ANKLE2: variants seen among roughly 807,000 people sequenced by gnomAD.
ANKLE2 encodes the protein ankyrin repeat and LEM domain-containing protein 2.
ANKLE2 carries 55 observed loss-of-function variants against 84.2 expected under a neutral mutation model. That is an observed-to-expected ratio of 0.65 (90% CI 0.53 to 0.82). The LOEUF is 0.82. Among genes scored for constraint, ANKLE2 ranks in the 40% least tolerant of loss-of-function variants. The probability of loss-of-function intolerance (pLI) is 0.00; values close to 1 mark genes in which losing one functional copy is unlikely to be tolerated. For synonymous variants in ANKLE2, 551 were observed against 486.1 expected (o/e 1.13, Z -1.76); for missense variants, 1,238 against 1,201.9 (o/e 1.03, Z -0.44).
rs1566010939 is a variant in ANKLE2, at chr12:132,730,150, T to C, written c.2012A>G (p.His671Arg). Reference protein sequence around the residue: ...NSPPTVGAFGHTRCSAFPLEQ... With the variant: ...NSPPTVGAFGRTRCSAFPLEQ... ...CAAGGGGAAGGCGCTGCACCTCGTA[T>C]GTCCAAAAGCACCGACTGTGGGCGG... Residue 671 changes from histidine (H) to arginine (R), a missense_variant, in exon 11 of 13, where the codon CAT becomes CGT. This residue lies in a region of ANKLE2 where 802 missense variants were observed against 774.5 expected (regional missense o/e 1.04). Transcript: ENST00000357997. 4 of 1,612,050 alleles carry C rather than the reference T, an allele frequency of 2.5e-6. No homozygotes were observed. The highest frequency in any genetic ancestry group is 1.7e-5 in the Admixed American group (1 of 59,956).
In ANKLE2 at chr12:132,761,820, C is replaced by A; in HGVS notation, c.-22G>T. Reference sequence around the variant, plus strand: ...GCATCGCCGCCGCCCGGGCCGCAGCCGCCGAGAAGCCCGCGCCCCGCGCCG... The same window carrying A: ...GCATCGCCGCCGCCCGGGCCGCAGCAGCCGAGAAGCCCGCGCCCCGCGCCG... On this transcript the variant is annotated 5_prime_UTR_variant, in exon 1 of 13. Coordinates refer to ENST00000357997, the MANE Select transcript of ANKLE2 (RefSeq NM_015114.3). 9.9e-7 allele frequency: 1 copy of A among 1,011,146 alleles called. No individual in the cohort carries two copies. Among genetic ancestry groups the A allele is most frequent in the Non-Finnish European group, 1.2e-6 (1 of 849,014 alleles). The allele number at this position is 1,011,146 out of a possible 1,614,324, so 62.6% of individuals were successfully genotyped here.
chr12:132,744,969 T>C (rs1398971991), intron 5 of ANKLE2, among the ~76,000 whole-genome samples: 2 of 152,220 alleles, frequency 1.3e-5, no homozygotes, highest in African/African-American at 2.4e-5. Context: ...CGTGAGCCAC[T>C]GCACCCGGCC....
In ANKLE2 at chr12:132,761,701, CG is replaced by C; in HGVS notation, c.97del (p.Arg33GlyfsTer31). The C allele has an allele frequency of 7.4e-7, 1 of 1,349,976 alleles. No individual in the cohort carries two copies. 83.6% of individuals were successfully genotyped at this position (1,349,976 alleles called of 1,614,324 possible). The part of the protein sequence containing the change: ...VLLIAVRWLV[R>X]RLGPRPGGLG... ...ACCTCCCGGCCGCGGGCCCAGCCGC[CG>C]CACCAGCCACCGCACAGCGATCAGC... is the stretch of plus-strand genomic sequence containing the variant. On this transcript the variant is annotated frameshift_variant, in exon 1 of 13. Transcript: ENST00000357997. LOFTEE classifies it high-confidence loss of function.
chr12:132,749,849 A>G (rs1201916261), intron 3 of ANKLE2, among the ~76,000 whole-genome samples: 1 of 152,176 alleles, frequency 6.6e-6, no homozygotes, highest in Non-Finnish European at 1.5e-5. Flanking sequence ...TGAAGTAGGT[A>G]TAGCTTCAGG....
chr12:132,747,020 T>C (rs1398974256), intron 5 of ANKLE2, among the ~76,000 whole-genome samples: 1 of 152,356 alleles, frequency 6.6e-6, no homozygotes, highest in East Asian at 1.9e-4. Context: ...CGCTTCCCAG[T>C]GCTGCCTTGC....
At position 132,726,998 on chromosome 12, in the gene ANKLE2, A is replaced by G. The variant is rs2043712281; in HGVS notation, c.*244T>C. On this transcript the variant is annotated 3_prime_UTR_variant, in exon 13 of 13. Transcript: ENST00000357997. ...GAAATTGCCACCTAAAAAGTCTACC[A>G]TTACCACATGGATATTTTCCAGAAA... The G allele has an allele frequency of 1.3e-5, 7 of 534,014 alleles. No homozygotes were observed. Among genetic ancestry groups the G allele is most frequent in the Admixed American group, 6.8e-5 (2 of 29,426 alleles). The allele number at this position is 534,014 out of a possible 1,614,324, so 33.1% of individuals were successfully genotyped here.
At chr12:132,734,683 C>T (rs977854106) in intron 9 of ANKLE2, 108 bp from the exon 10 acceptor site, 5 of 1,138,842 alleles carry the variant, frequency 4.4e-6, no homozygotes, top group Non-Finnish European at 6.2e-6. Flanking sequence ...TGTCTGCAAT[C>T]ATGGTTATAA....
In ANKLE2 at chr12:132,728,183, A is replaced by C. The variant is rs370208323; in HGVS notation, c.2484-20T>G. 1.1e-4 allele frequency: 180 copies of C among 1,603,000 alleles called. No homozygotes were observed. The highest frequency in any genetic ancestry group is 4.9e-4 in the Middle Eastern group (3 of 6,066). On this transcript the variant is annotated intron_variant, in intron 11 of 12. Transcript: ENST00000357997. ...TCCTCTCTAGAAAGCACAATAAAAGAAGCAAAAACATCTTTGGTAAAAACA... is the reference window on the plus strand; with the variant it reads ...TCCTCTCTAGAAAGCACAATAAAAGCAGCAAAAACATCTTTGGTAAAAACA...
chr12:132,738,823 T>A (rs569493426), intron 7 of ANKLE2: 3 of 152,228 alleles, frequency 2.0e-5, no homozygotes, highest in Non-Finnish European at 4.4e-5. Context: ...CGCACCCGGC[T>A]GCTTATCATA....
At position 132,750,678 on chromosome 12, in the gene ANKLE2, T is replaced by C; in HGVS notation, c.812A>G (p.Lys271Arg). Residue 271 changes from lysine to arginine, a missense_variant, in exon 3 of 13, where the codon AAA becomes AGA. Around this residue, in one of 3 missense-constraint regions of ANKLE2, gnomAD observed 422 missense variants for 394.5 expected, o/e 1.07. Coordinates refer to ENST00000357997, the MANE Select transcript of ANKLE2 (RefSeq NM_015114.3). ...GTCATTGCTAAAGAGTGGAGCTGTT[T>C]TCACAGGAGACAGTGGTAAGGACGT... The part of the protein sequence containing the change: ...SKTSLPLSPV[K>R]TAPLFSNDRL... The C allele has an allele frequency of 6.2e-7, 1 of 1,614,230 alleles. No homozygotes were observed. The highest frequency in any genetic ancestry group is 8.5e-7 in the Non-Finnish European group (1 of 1,180,044).
chr12:132,756,959 A>C (rs917750522), intron 1 of ANKLE2: 3 of 152,128 alleles, frequency 2.0e-5, no homozygotes, highest in East Asian at 1.9e-4. Context: ...AAAAAAACAA[A>C]AAAAAAAGAA....
rs376751372 is a variant in ANKLE2 at position 132,736,987 on chromosome 12, G to T, written c.1499C>A (p.Thr500Lys). The T allele has an allele frequency of 1.2e-6, 2 of 1,613,710 alleles. No homozygotes were observed. Among genetic ancestry groups the T allele is most frequent in the Non-Finnish European group, 1.7e-6 (2 of 1,179,872 alleles). The change falls in exon 8 of 13, where the codon ACG (threonine) becomes AAG (lysine). Residue 500 changes from threonine (T) to lysine (K), a missense_variant. Physicochemically the swap from Thr to Lys is moderately conservative, Grantham distance 78 (BLOSUM62 -1). Transcript: ENST00000357997. ...VIGELWSPDQ[T>K]AEASHVSRYG... ...GCGGCTGACGTGAGAGGCCTCAGCC[G>T]TCTGGTCTGGGGACCACAGCTCCCC...
intron 1 of ANKLE2, chr12:132,758,794 T>G (rs545936448): frequency 6.6e-6 from 1 of 152,350 alleles, no homozygotes; most frequent in Non-Finnish European, 1.5e-5. Context: ...GTGCTGGGAT[T>G]ACAGGCATGA....
chr12:132,741,855 A>C (rs1189015641), intron 6 of ANKLE2: 1 of 467,004 alleles, frequency 2.1e-6, no homozygotes, highest in Non-Finnish European at 4.3e-6. Context: ...GGTCATACAC[A>C]AACTTTTTGT....
Position 132,730,187 on chromosome 12 carries a change from G to C in ANKLE2, c.1975C>G (p.Arg659Gly), listed in dbSNP as rs751601869. The change falls in exon 11 of 13, where the codon CGA becomes GGA. Residue 659 changes from arginine (R) to glycine (G), a missense_variant. Coordinates refer to ENST00000357997, the MANE Select transcript of ANKLE2 (RefSeq NM_015114.3). ...CCGACTGTGGGCGGGCTGTTATTTC[G>C]AGCTGCATTTTGCCGATTTTTTATT... ...EEIKNRQNAARNNSPPTVGAF... is the reference protein window; with the variant it reads ...EEIKNRQNAAGNNSPPTVGAF... 8 of 1,602,842 alleles carry C rather than the reference G, an allele frequency of 5.0e-6. No individual in the cohort carries two copies. In the African/African-American group the frequency reaches 6.7e-5, roughly 13 times the overall value.
intron 7 of ANKLE2, 68 bp from the exon 8 acceptor site, chr12:132,737,133 G>T: frequency 6.7e-7 from 1 of 1,501,110 alleles, no homozygotes; most frequent in South Asian, 1.3e-5. Context: ...GGGTGAGCAG[G>T]ACGGGGATCA....
chr12:132,735,297 A>G (rs2043985176), intron 9 of ANKLE2, 109 bp downstream of exon 9: 1 of 1,033,728 alleles, frequency 9.7e-7, no homozygotes, highest in Non-Finnish European at 1.5e-6. Flanking sequence ...AGTCTCCCAG[A>G]AAAGCCTTCT....
chr12:132,744,581 A>C (rs1277848499), intron 5 of ANKLE2, among the ~76,000 whole-genome samples: 1 of 152,070 alleles, frequency 6.6e-6, no homozygotes, highest in African/African-American at 2.4e-5. Context: ...ACACGACCCC[A>C]AAAAGGTCTG....
chr12:132,734,896 A>C (rs2136121760), intron 9 of ANKLE2: 1 of 343,998 alleles, frequency 2.9e-6, no homozygotes, highest in East Asian at 7.2e-5. Flanking sequence ...CGTGTTCATG[A>C]TCACGGAACA....
Sources: gnomAD v4.1 joint callset for allele counts (sites outside exome capture counted in the v4.1 genomes callset) on GRCh38, gnomAD v4.1.1 for gene constraint, gnomAD v4.1.1 regional missense constraint, MANE v1.5 for transcripts, NCBI Gene and HGNC (gene_info 2026-07-23, HGNC 2026-07-21) for gene names.